VEPH1: variants seen among roughly 807,000 people sequenced by gnomAD.
VEPH1 encodes the protein ventricular zone-expressed PH domain-containing protein homolog 1.
VEPH1 carries 80 observed loss-of-function variants against 85.2 expected under a neutral mutation model. The observed-to-expected ratio is 0.94, with a 90% CI of 0.78 to 1.13. The LOEUF (loss-of-function observed/expected upper bound fraction) is 1.13. Among genes scored for constraint, VEPH1 ranks in the 50% most tolerant of loss-of-function variants. VEPH1 has a pLI of 0.00. For missense variants in VEPH1, 955 were observed against 980.5 expected, an observed-to-expected ratio of 0.97 and a Z score of 0.35; for synonymous variants, 297 against 348.0, an observed-to-expected ratio of 0.85 and a Z score of 1.63.
At chr3:157,454,759 C>T (rs1577696637) in intron 4 of VEPH1, among the ~76,000 whole-genome samples, 1 of 152,274 alleles carries the variant, frequency 6.6e-6, no homozygotes, top group Non-Finnish European at 1.5e-5. Flanking sequence ...TCCCTCTCTT[C>T]CTACCCCTCT....
intron 6 of VEPH1, among the ~76,000 whole-genome samples, chr3:157,402,433 T>C (rs1730851516): frequency 6.6e-6 from 1 of 152,072 alleles, no homozygotes; most frequent in African/African-American, 2.4e-5. Flanking sequence ...GGAAGGAAGT[T>C]TGCCCTCTTA....
At chr3:157,343,257 T>C (rs1278895600) in intron 9 of VEPH1, among the ~76,000 whole-genome samples, 15 of 151,998 alleles carry the variant, frequency 9.9e-5, no homozygotes, top group East Asian at 7.7e-4. Context: ...TTTGAAAAGA[T>C]CAACAAAATT....
intron 4 of VEPH1, chr3:157,443,187 T>C (rs1353223490): frequency 3.7e-6 from 2 of 547,504 alleles, no homozygotes; most frequent in Admixed American, 3.5e-5. Context: ...ATAATGTTAC[T>C]AGACTTTATG....
intron 11 of VEPH1, among the ~76,000 whole-genome samples, chr3:157,296,986 G>A (rs974135296): frequency 6.6e-6 from 1 of 152,146 alleles, no homozygotes; most frequent in African/African-American, 2.4e-5. Flanking sequence ...TAGTGATAAT[G>A]GCCAAGCACA....
chr3:157,407,437 G>A (rs867457882), intron 6 of VEPH1, among the ~76,000 whole-genome samples: 7 of 152,116 alleles, frequency 4.6e-5, no homozygotes, highest in South Asian at 2.1e-4. Context: ...TTTCTCCCAC[G>A]AATGGTGGTC....
At chr3:157,450,048 CTTTTTTTTT>C (rs761761440) in intron 4 of VEPH1, among the ~76,000 whole-genome samples, 1 of 77,322 alleles carries the variant, frequency 1.3e-5, no homozygotes, top group African/African-American at 4.8e-5. Flanking sequence ...AGAATATTTA[CTTTTTTTTT>C]TTTTTTTTTT....
chr3:157,278,475 G>A (rs1355602932), intron 12 of VEPH1, among the ~76,000 whole-genome samples: 1 of 152,192 alleles, frequency 6.6e-6, no homozygotes, highest in Non-Finnish European at 1.5e-5. Flanking sequence ...ATGTGAAACC[G>A]TGAAGGATAT....
intron 11 of VEPH1, among the ~76,000 whole-genome samples, chr3:157,303,077 T>A (rs1719018001): frequency 6.6e-6 from 1 of 152,336 alleles, no homozygotes; most frequent in South Asian, 2.1e-4. Context: ...CTCAAAAAAA[T>A]TTTTTGATGA....
At chr3:157,436,824 T>C (rs1733613405) in intron 4 of VEPH1, 5 of 1,251,534 alleles carry the variant, frequency 4.0e-6, no homozygotes, top group Non-Finnish European at 5.4e-6. Context: ...TCAGCATTTA[T>C]TAAGGACTCT....
chr3:157,311,137 C>T (rs896654812), intron 11 of VEPH1, among the ~76,000 whole-genome samples: 1 of 152,210 alleles, frequency 6.6e-6, no homozygotes, highest in Non-Finnish European at 1.5e-5. Context: ...ACAGCAAAAT[C>T]CCTGCCCTCA....
At chr3:157,282,831 C>T (rs190896129) in intron 12 of VEPH1, among the ~76,000 whole-genome samples, 4 of 152,326 alleles carry the variant, frequency 2.6e-5, no homozygotes, top group Admixed American at 2.6e-4. Flanking sequence ...TCTGTTCAAT[C>T]TCCTTGCTCA....
intron 3 of VEPH1, among the ~76,000 whole-genome samples, 156 bp downstream of exon 3, chr3:157,470,158 T>G (rs1454293542): frequency 6.6e-6 from 1 of 152,192 alleles, no homozygotes; most frequent in Non-Finnish European, 1.5e-5. Flanking sequence ...TTTCTCAGTT[T>G]ATTAATTACC....
chr3:157,409,872 G>A, intron 6 of VEPH1: 1 of 985,400 alleles, frequency 1.0e-6, no homozygotes, highest in Non-Finnish European at 1.2e-6. Flanking sequence ...ACCCACAGGA[G>A]ACTCTGCTCT....
intron 6 of VEPH1, among the ~76,000 whole-genome samples, chr3:157,388,563 TC>T (rs1729539392): frequency 6.6e-6 from 1 of 152,144 alleles, no homozygotes; most frequent in Non-Finnish European, 1.5e-5. Flanking sequence ...CTCAGAGGAC[TC>T]TGTTCAATAG....
At chr3:157,364,272 T>C in intron 8 of VEPH1, 31 bp downstream of exon 8, 1 of 1,489,428 alleles carries the variant, frequency 6.7e-7, no homozygotes, top group Non-Finnish European at 9.1e-7. Flanking sequence ...ATGAAGTGTA[T>C]GATTTAAAAA....
intron 11 of VEPH1, among the ~76,000 whole-genome samples, chr3:157,307,186 T>C (rs1241684488): frequency 1.3e-5 from 2 of 151,926 alleles, no homozygotes; most frequent in African/African-American, 4.8e-5. Context: ...CATTTTTGAG[T>C]CTAATTAATG....
intron 6 of VEPH1, among the ~76,000 whole-genome samples, chr3:157,413,149 T>C (rs967675605): frequency 2.6e-5 from 4 of 152,174 alleles, no homozygotes; most frequent in African/African-American, 9.7e-5. Flanking sequence ...TTGTTTTTAT[T>C]TTAATATATA....
intron 3 of VEPH1, among the ~76,000 whole-genome samples, chr3:157,469,007 G>C (rs1229374369): frequency 1.3e-5 from 2 of 152,146 alleles, no homozygotes; most frequent in Non-Finnish European, 1.5e-5. Context: ...GGGGGAGATG[G>C]ATAGGATGGT....
At chr3:157,352,903 T>C (rs1056342615) in intron 9 of VEPH1, among the ~76,000 whole-genome samples, 4 of 152,320 alleles carry the variant, frequency 2.6e-5, no homozygotes, top group Admixed American at 2.6e-4. Context: ...ATCAGGGTTG[T>C]TCTGTTTGCA....
Sources: gnomAD v4.1 joint callset for allele counts (sites outside exome capture counted in the v4.1 genomes callset) on GRCh38, gnomAD v4.1.1 for gene constraint, MANE v1.5 for transcripts, NCBI Gene and HGNC (gene_info 2026-07-23, HGNC 2026-07-21) for gene names.